MID2: variants seen among roughly 807,000 people sequenced by gnomAD.
MID2 encodes the protein midline 2.
Under a neutral mutation model 46.1 loss-of-function variants are expected in MID2, and 13 were observed. The observed-to-expected ratio is 0.28, with a 90% CI of 0.18 to 0.45. The LOEUF (loss-of-function observed/expected upper bound fraction) is 0.45. MID2 is among the 20% of genes least tolerant of loss of function. The pLI is 1.00. For missense variants in MID2, 431 were observed against 575.4 expected, an observed-to-expected ratio of 0.75 and a Z score of 2.57; for synonymous variants, 199 against 212.3, an observed-to-expected ratio of 0.94 and a Z score of 0.55.
At chrX:107,870,471 A>G (rs1240304073) in intron 3 of MID2, among the ~76,000 whole-genome samples, 3 of 111,181 alleles carry the variant, frequency 2.7e-5, no homozygotes, top group Non-Finnish European at 5.7e-5. Flanking sequence ...AAAATTACAG[A>G]TTGTTAATCA....
chrX:107,918,583 A>T lies in MID2; in HGVS notation c.1435+844A>T, dbSNP rs1240754599. Among the ~76,000 whole-genome samples, 4 of 111,847 alleles carry T rather than the reference A, an allele frequency of 3.6e-5. No homozygotes were observed. In the East Asian group the frequency reaches 1.1e-3, roughly 31 times the overall value. Reference sequence around the variant, plus strand: ...TGTTTTGTGACAAATCTGGGGCAGAATTCTGTTTTGTAACAAGGTGGGGTG... The same window carrying T: ...TGTTTTGTGACAAATCTGGGGCAGATTTCTGTTTTGTAACAAGGTGGGGTG... On this transcript the variant is annotated intron_variant, in intron 7 of 9. Transcript: ENST00000262843.
rs941964980 is a variant in MID2, at chrX:107,928,405, T to A, written c.*1332T>A. Among the ~76,000 whole-genome samples the A allele has an allele frequency of 2.7e-5, 3 of 109,559 alleles. No individual in the cohort carries two copies. Among genetic ancestry groups the A allele is most frequent in the African/African-American group, 9.9e-5 (3 of 30,224 alleles). On this transcript the variant is annotated 3_prime_UTR_variant, in exon 10 of 10. Transcript: ENST00000262843. ...GGAATGGAGCCTTGTAGTCTATGAT[T>A]TTTTTTTTTAAATTTCCATCGAAGG...
At chrX:107,879,598 C>T in intron 3 of MID2, among the ~76,000 whole-genome samples, 1 of 111,690 alleles carries the variant, frequency 9.0e-6, no homozygotes, top group African/African-American at 3.3e-5. Flanking sequence ...GAAAAGGCAG[C>T]ATTCAAGAGG....
At position 107,858,399 on chromosome X, in the gene MID2, T is replaced by C. The variant is rs145901150; in HGVS notation, c.816+3695T>C. 2.2e-3 allele frequency among the ~76,000 whole-genome samples: 249 copies of C among 112,393 alleles called. 2 individuals carry two copies. The highest frequency in any genetic ancestry group is 7.7e-3 in the African/African-American group (240 of 30,988). ...CCAAAGGAAACCTCTGTATAATGCA[T>C]AGCCAAGGGAAAATGTATACCAACA... On this transcript the variant is annotated intron_variant, in intron 3 of 9. Transcript: ENST00000262843.
rs373857703 is a variant in MID2, at chrX:107,916,143, G to A, written c.1201+14G>A. On this transcript the variant is annotated intron_variant, in intron 6 of 9. Transcript: ENST00000262843. Reference sequence around the variant, plus strand: ...ATTATTTAACAGGTGTGAAAATACTGTGCTTTCCTTTCCATTTAATTTTTT... The same window carrying A: ...ATTATTTAACAGGTGTGAAAATACTATGCTTTCCTTTCCATTTAATTTTTT... The A allele has an allele frequency of 9.0e-6, 10 of 1,109,358 alleles. No individual in the cohort carries two copies. The highest frequency in any genetic ancestry group is 1.2e-5 in the Non-Finnish European group (10 of 845,705). 91.4% of individuals were successfully genotyped at this position (1,109,358 alleles called of 1,213,427 possible). A position where few individuals can be genotyped will look rare whatever the true frequency, so the allele number is the denominator to read the frequency against.
intron 7 of MID2, among the ~76,000 whole-genome samples, chrX:107,920,643 T>A (rs1933054626): frequency 8.9e-6 from 1 of 112,091 alleles, no homozygotes; most frequent in Admixed American, 9.5e-5. Context: ...AGAGGTATAC[T>A]TCCACTGACA....
chrX:107,837,878 T>G (rs1931245353), intron 1 of MID2, among the ~76,000 whole-genome samples: 1 of 112,368 alleles, frequency 8.9e-6, no homozygotes, highest in Non-Finnish European at 1.9e-5. Context: ...CAGGAGATGC[T>G]CAATGAATGC....
intron 7 of MID2, among the ~76,000 whole-genome samples, chrX:107,918,663 G>A (rs891295438): frequency 4.5e-5 from 5 of 111,523 alleles, no homozygotes; most frequent in Non-Finnish European, 9.4e-5. Context: ...GCTTCGTGCA[G>A]CTCCAACCTA....
At chrX:107,875,605 G>A (rs916734580) in intron 3 of MID2, among the ~76,000 whole-genome samples, 1 of 111,495 alleles carries the variant, frequency 9.0e-6, no homozygotes, top group Admixed American at 9.5e-5. Context: ...GAGACAAATA[G>A]TTTGTTCAGA....
intron 3 of MID2, among the ~76,000 whole-genome samples, chrX:107,861,568 C>T (rs912709887): frequency 5.4e-5 from 6 of 111,527 alleles, no homozygotes; most frequent in East Asian, 2.8e-4. Context: ...TGCAGTGAGC[C>T]GAGATCGTGC....
chrX:107,860,826 A>G (rs1931837310), intron 3 of MID2, among the ~76,000 whole-genome samples: 1 of 112,093 alleles, frequency 8.9e-6, no homozygotes, highest in African/African-American at 3.2e-5. Context: ...TGAGATAGAC[A>G]CTGTTAATAC....
intron 3 of MID2, among the ~76,000 whole-genome samples, chrX:107,880,460 G>A (rs1932295026): frequency 9.0e-6 from 1 of 111,113 alleles, no homozygotes; most frequent in Admixed American, 9.6e-5. Context: ...AGGGGTGGGA[G>A]TGGTTAGTCA....
chrX:107,842,415 A>G (rs1931367327), intron 2 of MID2, among the ~76,000 whole-genome samples: 1 of 112,251 alleles, frequency 8.9e-6, no homozygotes, highest in Non-Finnish European at 1.9e-5. Flanking sequence ...TTAAACGGAT[A>G]GTAAAATTAC....
At chrX:107,894,865 G>GT (rs1257117058) in intron 3 of MID2, 1 of 17,271 alleles carries the variant, frequency 5.8e-5, no homozygotes, top group South Asian at 3.6e-3. Flanking sequence ...GTGTGTGTGT[G>GT]AAAGAGAGAG....
At chrX:107,840,411 A>G (rs1017077185) in intron 1 of MID2, among the ~76,000 whole-genome samples, 2 of 112,166 alleles carry the variant, frequency 1.8e-5, no homozygotes, top group Non-Finnish European at 3.8e-5. Context: ...TGGAATGGTA[A>G]TGTTAATCAG....
chrX:107,900,129 C>G (rs930855370), intron 3 of MID2, among the ~76,000 whole-genome samples: 16 of 111,382 alleles, frequency 1.4e-4, no homozygotes, highest in African/African-American at 5.2e-4. Flanking sequence ...CCTCTTCAGC[C>G]AACTTTTCAT....
intron 3 of MID2, among the ~76,000 whole-genome samples, chrX:107,886,876 T>G (rs1473581479): frequency 2.7e-5 from 3 of 111,983 alleles, no homozygotes; most frequent in African/African-American, 9.8e-5. Flanking sequence ...TTTTATTCTC[T>G]TTGAAGCAAT....
chrX:107,926,511 T>C, intron 9 of MID2, 160 bp from the exon 10 acceptor site: 1 of 605,658 alleles, frequency 1.7e-6, no homozygotes, highest in Non-Finnish European at 2.5e-6. Context: ...CTCTAATTGC[T>C]AACTTTTTAA....
rs1931330482 is a variant in MID2 at position 107,841,022 on chromosome X, G to T, written c.357G>T (p.Glu119Asp). 1 of 1,209,416 alleles carries T rather than the reference G, an allele frequency of 8.3e-7. No homozygotes were observed. The highest frequency in any genetic ancestry group is 2.2e-5 in the Admixed American group (1 of 45,755). Residue 119 changes from glutamate to aspartate, a missense_variant, in exon 2 of 10, where the codon GAG becomes GAT. Transcript: ENST00000262843. ...TCAGTGGGCCCAATTCCCCTAGTGA[G>T]AGCCGCCGGGAAAGGACTTACAGGC... ...ASVSGPNSPS[E>D]SRRERTYRPT... is the part of the protein sequence containing the mutation.
Sources: allele counts gnomAD v4.1 joint callset (sites outside exome capture counted in the v4.1 genomes callset), GRCh38; gene constraint gnomAD v4.1.1; transcripts MANE v1.5; gene names NCBI Gene and HGNC (gene_info 2026-07-23, HGNC 2026-07-21).